Variants in SPP1 observed in about 807,000 individuals in gnomAD.
The protein encoded by SPP1 is osteopontin.
In SPP1, 18 loss-of-function variants were observed where a neutral mutation model predicts 20.8. That is an observed-to-expected ratio of 0.87 (90% CI 0.60 to 1.29). SPP1 has a LOEUF of 1.29. Among genes scored for constraint, SPP1 ranks in the 50% most tolerant of loss-of-function variants. The pLI is 0.00. For missense variants in SPP1, 363 were observed against 389.0 expected (o/e 0.93, Z 0.56); for synonymous variants, 146 against 141.5 (o/e 1.03, Z -0.23).
At chr4:87,979,438 G>C (rs1725558032) in intron 3 of SPP1, among the ~76,000 whole-genome samples, 1 of 152,004 alleles carries the variant, frequency 6.6e-6, no homozygotes, top group South Asian at 2.1e-4. Flanking sequence ...CTCCCAAAGT[G>C]CTGGGATTAC....
chr4:87,979,397 T>A (rs972546683), intron 3 of SPP1, among the ~76,000 whole-genome samples: 2 of 152,000 alleles, frequency 1.3e-5, no homozygotes, highest in African/African-American at 2.4e-5. Flanking sequence ...ATGTTCTCGA[T>A]CTCCTGACCT....
intron 3 of SPP1, chr4:87,977,694 T>C: frequency 1.6e-6 from 2 of 1,263,864 alleles, no homozygotes; most frequent in Non-Finnish European, 2.0e-6. Flanking sequence ...CCACAACAGA[T>C]GAAACTGTGC....
At chr4:87,977,541 A>C in intron 3 of SPP1, 1 of 471,680 alleles carries the variant, frequency 2.1e-6, no homozygotes. Flanking sequence ...TGAGAAGCCC[A>C]TTGTGAAAAG....
intron 3 of SPP1, among the ~76,000 whole-genome samples, chr4:87,979,330 ATTTT>A (rs1300398141): frequency 1.3e-5 from 2 of 149,464 alleles, no homozygotes. Context: ...ACGCCCGGCT[ATTTT>A]TTTTTATTTT....
Position 87,983,356 on chromosome 4 carries a change from T to G in SPP1, c.*460T>G, listed in dbSNP as rs1465928432. The G allele has an allele frequency of 1.3e-5, 2 of 155,476 alleles. No individual in the cohort carries two copies. Among genetic ancestry groups the G allele is most frequent in the African/African-American group, 4.8e-5 (2 of 41,478 alleles). The allele number at this position is 155,476 out of a possible 1,614,324, so 9.6% of individuals were successfully genotyped here. On this transcript the variant is annotated 3_prime_UTR_variant, in exon 7 of 7. Coordinates refer to ENST00000395080, the MANE Select transcript of SPP1 (RefSeq NM_001040058.2). ...AGAATTTGGTGGTGTCAATTGCTTATTTGTTTTCCCACGGTTGTCCAGCAA... is the reference window on the plus strand; with the variant it reads ...AGAATTTGGTGGTGTCAATTGCTTAGTTGTTTTCCCACGGTTGTCCAGCAA...
In SPP1 at chr4:87,981,525, T is replaced by C; in HGVS notation, c.267T>C (p.Asp89=). The C allele has an allele frequency of 6.2e-7, 1 of 1,614,110 alleles. No individual in the cohort carries two copies. Among genetic ancestry groups the C allele is most frequent in the Non-Finnish European group, 8.5e-7 (1 of 1,180,012 alleles). Residue 89 remains aspartate, a synonymous_variant, in exon 6 of 7, where the codon GAT becomes GAC. Coordinates refer to ENST00000395080, the MANE Select transcript of SPP1 (RefSeq NM_001040058.2). ...NESHDHMDDM[D]DEDDDDHVDS... ...GCCATGACCACATGGATGATATGGA[T>C]GATGAAGATGATGATGACCATGTGG...
intron 3 of SPP1, 119 bp downstream of exon 3, chr4:87,977,216 G>A (rs1290783980): frequency 1.4e-5 from 14 of 1,002,866 alleles, no homozygotes; most frequent in East Asian, 7.5e-5. Context: ...TGGTTTACAA[G>A]TATTGATTGA....
chr4:87,977,784 A>G (rs1374617822), intron 3 of SPP1: 1 of 1,286,598 alleles, frequency 7.8e-7, no homozygotes, highest in South Asian at 1.2e-5. Flanking sequence ...TGAACAGAAT[A>G]AAGGCCAAAA....
intron 3 of SPP1, among the ~76,000 whole-genome samples, chr4:87,979,366 G>A (rs902606685): frequency 1.3e-5 from 2 of 151,498 alleles, no homozygotes; most frequent in Non-Finnish European, 2.9e-5. Flanking sequence ...GTAGAAACGG[G>A]GTTTCACTGT....
intron 1 of SPP1, 69 bp from the exon 2 acceptor site, chr4:87,976,813 G>A: frequency 3.1e-6 from 3 of 983,114 alleles, no homozygotes; most frequent in Non-Finnish European, 1.6e-6. Flanking sequence ...TTGTAATGTG[G>A]TAGTATAAAA....
intron 6 of SPP1, 104 bp from the exon 7 acceptor site, chr4:87,982,388 A>G (rs1725683578): frequency 1.4e-6 from 2 of 1,385,836 alleles, no homozygotes; most frequent in South Asian, 1.5e-5. Flanking sequence ...GATTTAGACA[A>G]TTTTTAGTAT....
intron 5 of SPP1, among the ~76,000 whole-genome samples, chr4:87,980,861 A>G (rs1056479498): frequency 1.2e-4 from 19 of 152,194 alleles, no homozygotes; most frequent in African/African-American, 4.6e-4. Flanking sequence ...TTTCCTTAAG[A>G]TTCAATTTGA....
rs757937794 is a variant in SPP1 at position 87,980,432 on chromosome 4, G to C, written c.214G>C (p.Glu72Gln). The C allele has an allele frequency of 1.2e-6, 2 of 1,614,020 alleles. No homozygotes were observed. Among genetic ancestry groups the C allele is most frequent in the Admixed American group, 1.7e-5 (1 of 60,004 alleles). Residue 72 changes from glutamate to glutamine, a missense_variant and splice_region_variant, in exon 5 of 7, where the codon GAG (glutamate) becomes CAG (glutamine). Transcript: ENST00000395080. The part of the protein sequence containing the change: ...SSEETNDFKQ[E>Q]TLPSKSNESH... ...TGAAGAAACCAATGACTTTAAACAA[G>C]AGGTAAGTTCTCATTTTCAATCAGA...
chr4:87,977,166 T>C (rs1725413827), intron 3 of SPP1, 69 bp downstream of exon 3: 1 of 1,452,500 alleles, frequency 6.9e-7, no homozygotes, highest in African/African-American at 1.4e-5. Flanking sequence ...GCAAGAAACG[T>C]ATTTGCTGCG....
At chr4:87,980,179 C>T (rs559127266) in intron 4 of SPP1, 53 bp downstream of exon 4, 2 of 1,599,058 alleles carry the variant, frequency 1.3e-6, no homozygotes, top group African/African-American at 1.3e-5. Context: ...TAGCCACACT[C>T]AGGCCATTTG....
chr4:87,982,632 G>C lies in SPP1; in HGVS notation c.681G>C (p.Thr227=). The change falls in exon 7 of 7, where the codon ACG becomes ACC. Residue 227 remains threonine (T), a synonymous_variant. Transcript: ENST00000395080. ...GCCGTGGGAAGGACAGTTATGAAAC[G>C]AGTCAGCTGGATGACCAGAGTGCTG... is the stretch of plus-strand genomic sequence containing the variant. ...WDSRGKDSYE[T]SQLDDQSAET... The C allele has an allele frequency of 1.9e-6, 3 of 1,614,092 alleles. No homozygotes were observed. In the South Asian group the frequency reaches 3.3e-5, roughly 18 times the overall value.
Position 87,981,457 on chromosome 4 carries a change from G to A in SPP1, c.217-18G>A, listed in dbSNP as rs371936418. 2.9e-5 allele frequency: 46 copies of A among 1,605,336 alleles called. No homozygotes were observed. The highest frequency in any genetic ancestry group is 1.7e-4 in the Middle Eastern group (1 of 6,024). ...TAAAAACCCATATATTAATTTTCCCGGCCATCTTAATTTTCAGACCCTTCC... is the reference window on the plus strand; with the variant it reads ...TAAAAACCCATATATTAATTTTCCCAGCCATCTTAATTTTCAGACCCTTCC... On this transcript the variant is annotated intron_variant, in intron 5 of 6. Transcript: ENST00000395080.
chr4:87,980,226 CAT>C, intron 4 of SPP1, 100 bp downstream of exon 4: 1 of 1,481,988 alleles, frequency 6.7e-7, no homozygotes, highest in Non-Finnish European at 9.4e-7. Context: ...TGCTGGCAAA[CAT>C]GTGCTTAGGA....
Position 87,982,990 on chromosome 4 carries a change from A to C in SPP1, c.*94A>C, listed in dbSNP as rs994320211. 8.1e-6 allele frequency: 10 copies of C among 1,235,264 alleles called. No homozygotes were observed. The highest frequency in any genetic ancestry group is 2.8e-5 in the Admixed American group (1 of 36,178). The allele number at this position is 1,235,264 out of a possible 1,614,324, so 76.5% of individuals were successfully genotyped here. ...AGAGAACATGAAATGCTTCTTTCTC[A>C]GTTTATTGGTTGAATGTGTATCTAT... On this transcript the variant is annotated 3_prime_UTR_variant, in exon 7 of 7. Transcript: ENST00000395080.
Sources: allele counts gnomAD v4.1 joint callset (sites outside exome capture counted in the v4.1 genomes callset), GRCh38; gene constraint gnomAD v4.1.1; transcripts MANE v1.5; gene names NCBI Gene and HGNC (gene_info 2026-07-23, HGNC 2026-07-21).